RGS21: variants seen among roughly 807,000 people sequenced by gnomAD.
The protein encoded by RGS21 is regulator of G protein signaling 21.
In RGS21, 19 loss-of-function variants were observed where a neutral mutation model predicts 18.7. That is an observed-to-expected ratio of 1.01 (90% CI 0.71 to 1.49). The LOEUF (loss-of-function observed/expected upper bound fraction) is 1.49. RGS21 is among the 40% of genes most tolerant of loss of function. RGS21 has a pLI of 0.00. For missense variants in RGS21, 194 were observed against 176.8 expected (o/e 1.10, Z -0.55); for synonymous variants, 56 against 57.8 (o/e 0.97, Z 0.14).
intron 1 of RGS21, among the ~76,000 whole-genome samples, chr1:192,330,595 A>T (rs1002595881): frequency 1.4e-4 from 21 of 152,190 alleles, no homozygotes; most frequent in African/African-American, 5.1e-4. Context: ...TTTTTCAGTA[A>T]GACTCTTCTA....
intron 4 of RGS21, among the ~76,000 whole-genome samples, chr1:192,361,875 T>G (rs999842823): frequency 3.9e-5 from 6 of 152,064 alleles, no homozygotes; most frequent in African/African-American, 1.4e-4. Context: ...AAACCAAAAT[T>G]GAATATAATA....
intron 1 of RGS21, among the ~76,000 whole-genome samples, chr1:192,331,939 A>C (rs1231074466): frequency 6.6e-6 from 1 of 152,072 alleles, no homozygotes; most frequent in East Asian, 1.9e-4. Context: ...AAATAAAAAG[A>C]AATCCTTTTT....
At chr1:192,321,173 CT>C (rs1344085043) in intron 1 of RGS21, among the ~76,000 whole-genome samples, 5 of 151,746 alleles carry the variant, frequency 3.3e-5, no homozygotes, top group African/African-American at 4.8e-5. Context: ...CAAAATTACC[CT>C]TTTCTGTTAG....
chr1:192,366,917 T>C lies in RGS21; in HGVS notation c.*793T>C, dbSNP rs967074160. The C allele has an allele frequency of 2.0e-5, 3 of 152,100 alleles. No individual in the cohort carries two copies. Among genetic ancestry groups the C allele is most frequent in the African/African-American group, 4.8e-5 (2 of 41,460 alleles). The allele number at this position is 152,100 out of a possible 1,614,324, so 9.4% of individuals were successfully genotyped here. A position where few individuals can be genotyped will look rare whatever the true frequency, so the allele number is the denominator to read the frequency against. ...AGAATTTGCAACATTATCTACTCAA[T>C]TGTGGGGAAGTATCTATTCACTCCT... On this transcript the variant is annotated 3_prime_UTR_variant, in exon 5 of 5. Transcript: ENST00000417209.
chr1:192,346,080 A>G (rs2102231438), intron 2 of RGS21, among the ~76,000 whole-genome samples: 1 of 152,164 alleles, frequency 6.6e-6, no homozygotes, highest in East Asian at 1.9e-4. Context: ...GAAGAAAGGA[A>G]AGTCAGCTGC....
At chr1:192,338,986 T>A (rs1356204917) in intron 1 of RGS21, among the ~76,000 whole-genome samples, 1 of 152,072 alleles carries the variant, frequency 6.6e-6, no homozygotes, top group Non-Finnish European at 1.5e-5. Flanking sequence ...CTAAGCAAGA[T>A]ATTTAGCCTC....
chr1:192,331,013 C>T (rs968670156), intron 1 of RGS21, among the ~76,000 whole-genome samples: 2 of 152,080 alleles, frequency 1.3e-5, no homozygotes, highest in African/African-American at 4.8e-5. Flanking sequence ...TAGATTGTAT[C>T]AGTGCTTGTG....
chr1:192,337,296 G>A (rs189684513), intron 1 of RGS21, among the ~76,000 whole-genome samples: 210 of 151,884 alleles, frequency 1.4e-3, no homozygotes, highest in Non-Finnish European at 2.4e-3. Flanking sequence ...TACCCAGACT[G>A]TGATATTACC....
chr1:192,340,925 G>T (rs943178625), intron 1 of RGS21, among the ~76,000 whole-genome samples: 1 of 152,020 alleles, frequency 6.6e-6, no homozygotes, highest in Non-Finnish European at 1.5e-5. Context: ...CCCACAATAC[G>T]TGAGAATTAT....
intron 1 of RGS21, among the ~76,000 whole-genome samples, chr1:192,329,627 T>C (rs1658617363): frequency 6.6e-6 from 1 of 152,140 alleles, no homozygotes; most frequent in South Asian, 2.1e-4. Context: ...ATAGATTCTA[T>C]GAAGAAGAGA....
intron 1 of RGS21, among the ~76,000 whole-genome samples, chr1:192,337,739 A>G (rs2102227748): frequency 6.6e-6 from 1 of 152,314 alleles, no homozygotes; most frequent in African/African-American, 2.4e-5. Context: ...GATGATGACT[A>G]TGAGATTACA....
chr1:192,339,794 TC>T (rs1453456404), intron 1 of RGS21, among the ~76,000 whole-genome samples: 10 of 152,070 alleles, frequency 6.6e-5, no homozygotes, highest in Non-Finnish European at 8.8e-5. Context: ...GACTGCAGAG[TC>T]CAGTTCCCAA....
rs190609388 is a variant in RGS21, at chr1:192,362,148, A to G, written c.256-3773A>G. ...AATAACATATTAAAGTCAGGGTGTGAAGAATCTCAAATGCCACACTGAGAT... is the reference window on the plus strand; with the variant it reads ...AATAACATATTAAAGTCAGGGTGTGGAGAATCTCAAATGCCACACTGAGAT... On this transcript the variant is annotated intron_variant, in intron 4 of 4. Transcript: ENST00000417209. Among the ~76,000 whole-genome samples, 49 of 152,284 alleles carry G rather than the reference A, an allele frequency of 3.2e-4. No homozygotes were observed. The South Asian group carries it at 3.5e-3, about 11-fold the overall frequency.
intron 4 of RGS21, among the ~76,000 whole-genome samples, chr1:192,356,600 CA>C (rs1659115550): frequency 6.6e-6 from 1 of 151,604 alleles, no homozygotes; most frequent in South Asian, 2.1e-4. Flanking sequence ...ATAAGACCTT[CA>C]TTATAAATAA....
chr1:192,318,479 G>A (rs185641633), intron 1 of RGS21, among the ~76,000 whole-genome samples: 2 of 152,158 alleles, frequency 1.3e-5, no homozygotes, highest in East Asian at 3.9e-4. Context: ...GAAGTTTTAC[G>A]CTGAGCTAAA....
In RGS21 at chr1:192,366,085, A is replaced by G. The variant is rs780531255; in HGVS notation, c.420A>G (p.Gln140=). The change falls in exon 5 of 5, where the codon CAA becomes CAG. Residue 140 remains glutamine (Q), a synonymous_variant. Transcript: ENST00000417209. ...SEIYKKLVNS[Q]QVPNHKKWLP... ...TTTATAAAAAACTGGTAAATAGCCA[A>G]CAGGTTCCAAATCATAAAAAATGGC... 1 of 1,611,670 alleles carries G rather than the reference A, an allele frequency of 6.2e-7. No homozygotes were observed. Among genetic ancestry groups the G allele is most frequent in the East Asian group, 2.2e-5 (1 of 44,664 alleles).
At chr1:192,330,014 G>A (rs1010987985) in intron 1 of RGS21, among the ~76,000 whole-genome samples, 10 of 152,176 alleles carry the variant, frequency 6.6e-5, no homozygotes, top group East Asian at 3.8e-4. Flanking sequence ...ATATTTCTAC[G>A]TCCAACATTG....
intron 1 of RGS21, among the ~76,000 whole-genome samples, chr1:192,322,792 A>T (rs1658515462): frequency 6.6e-6 from 1 of 152,114 alleles, no homozygotes. Flanking sequence ...AACTGCAAAA[A>T]GTTTACTCTG....
At chr1:192,361,214 T>A (rs924994392) in intron 4 of RGS21, among the ~76,000 whole-genome samples, 2 of 152,128 alleles carry the variant, frequency 1.3e-5, no homozygotes, top group African/African-American at 4.8e-5. Context: ...TCTTGAAATA[T>A]CCTTATGATT....
Sources: gnomAD v4.1 joint callset for allele counts (sites outside exome capture counted in the v4.1 genomes callset) on GRCh38, gnomAD v4.1.1 for gene constraint, MANE v1.5 for transcripts, NCBI Gene and HGNC (gene_info 2026-07-23, HGNC 2026-07-21) for gene names.